GALNT18: variants seen among roughly 807,000 people sequenced by gnomAD.
GALNT18 encodes polypeptide N-acetylgalactosaminyltransferase 18.
In GALNT18, 44 loss-of-function variants were observed where a neutral mutation model predicts 69.5. That is an observed-to-expected ratio of 0.63 (90% CI 0.50 to 0.81). GALNT18 has a LOEUF of 0.81. Among genes scored for constraint, GALNT18 ranks in the 40% least tolerant of loss-of-function variants. The pLI is 0.00. For missense variants in GALNT18, 715 were observed against 810.0 expected (o/e 0.88, Z 1.42); for synonymous variants, 364 against 318.2 (o/e 1.14, Z -1.53).
chr11:11,568,466 A>C (rs1590106325), intron 1 of GALNT18, among the ~76,000 whole-genome samples: 1 of 151,972 alleles, frequency 6.6e-6, no homozygotes, highest in Non-Finnish European at 1.5e-5. Flanking sequence ...TCCCGGCAAC[A>C]CCCTTAGTTC....
At chr11:11,303,302 C>T (rs1235053065) in intron 9 of GALNT18, among the ~76,000 whole-genome samples, 1 of 152,140 alleles carries the variant, frequency 6.6e-6, no homozygotes, top group Non-Finnish European at 1.5e-5. Context: ...TCCAGAAATC[C>T]CCAGCAGCAC....
At chr11:11,287,857 G>A (rs1228390271) in intron 10 of GALNT18, among the ~76,000 whole-genome samples, 2 of 152,106 alleles carry the variant, frequency 1.3e-5, no homozygotes, top group African/African-American at 2.4e-5. Flanking sequence ...ACACAGGGCT[G>A]GCAATGGTCC....
At chr11:11,279,228 G>A (rs1029601661) in intron 10 of GALNT18, among the ~76,000 whole-genome samples, 1 of 152,096 alleles carries the variant, frequency 6.6e-6, no homozygotes, top group East Asian at 1.9e-4. Context: ...AAAGCTTCCT[G>A]TACAGCCTGA....
At chr11:11,569,767 C>G (rs114994107) in intron 1 of GALNT18, among the ~76,000 whole-genome samples, 202 of 152,096 alleles carry the variant, frequency 1.3e-3, no homozygotes, top group African/African-American at 4.4e-3. Context: ...GACCTACGTC[C>G]AAGTTGCTGG....
intron 6 of GALNT18, among the ~76,000 whole-genome samples, chr11:11,358,553 G>C (rs187875107): frequency 1.4e-5 from 2 of 140,078 alleles, no homozygotes; most frequent in Non-Finnish European, 3.2e-5. Context: ...AATTCTAAGG[G>C]AACAGATGGA....
chr11:11,484,961 C>G (rs1172502477), intron 1 of GALNT18, among the ~76,000 whole-genome samples: 1 of 152,214 alleles, frequency 6.6e-6, no homozygotes, highest in African/African-American at 2.4e-5. Context: ...ATGATTAATC[C>G]CAGCTCTGAT....
Position 11,543,430 on chromosome 11 carries a change from C to G in GALNT18, c.235+77929G>C, listed in dbSNP as rs953332196. Reference sequence around the variant, plus strand: ...GAGACCCACTCTGGAACTGGATATGCCACCCATTTTAGGTCGGGGATGTCC... The same window carrying G: ...GAGACCCACTCTGGAACTGGATATGGCACCCATTTTAGGTCGGGGATGTCC... On this transcript the variant is annotated intron_variant, in intron 1 of 10. Coordinates refer to ENST00000227756, the MANE Select transcript of GALNT18 (RefSeq NM_198516.3). This position sits in a 1 kb window ranked among gnomAD's most constrained non-coding sequence, Gnocchi z 5.1. Among the ~76,000 whole-genome samples, 14 of 152,160 alleles carry G rather than the reference C, an allele frequency of 9.2e-5. No individual in the cohort carries two copies. Among genetic ancestry groups the G allele is most frequent in the Non-Finnish European group, 1.2e-4 (8 of 68,040 alleles).
intron 3 of GALNT18, among the ~76,000 whole-genome samples, chr11:11,388,554 G>A (rs1380440520): frequency 6.6e-6 from 1 of 152,074 alleles, no homozygotes; most frequent in Non-Finnish European, 1.5e-5. Context: ...CTGTGGTATA[G>A]ATGCTTCCAC....
At position 11,616,236 on chromosome 11, in the gene GALNT18, T is replaced by A. The variant is rs1029248446; in HGVS notation, c.235+5123A>T. Among the ~76,000 whole-genome samples, 1 of 152,106 alleles carries A rather than the reference T, an allele frequency of 6.6e-6. No homozygotes were observed. The highest frequency in any genetic ancestry group is 1.5e-5 in the Non-Finnish European group (1 of 68,016). ...GGGAGGATATTAAGTTCTAGAGTAATCAAAGGAGTACAAATCAAAAGAATA... is the reference window on the plus strand; with the variant it reads ...GGGAGGATATTAAGTTCTAGAGTAAACAAAGGAGTACAAATCAAAAGAATA... On this transcript the variant is annotated intron_variant, in intron 1 of 10. Coordinates refer to ENST00000227756, the MANE Select transcript of GALNT18 (RefSeq NM_198516.3). The surrounding 1 kb of genome is among the most constrained non-coding windows in gnomAD (Gnocchi z 4.4).
intron 9 of GALNT18, among the ~76,000 whole-genome samples, chr11:11,324,483 A>G (rs1240850208): frequency 6.6e-6 from 1 of 152,236 alleles, no homozygotes; most frequent in Admixed American, 6.5e-5. Context: ...AAATGAACAA[A>G]TTACAACTAC....
intron 1 of GALNT18, among the ~76,000 whole-genome samples, chr11:11,552,512 T>C (rs966402816): frequency 6.6e-6 from 1 of 152,210 alleles, no homozygotes; most frequent in African/African-American, 2.4e-5. Context: ...AAACAGCATA[T>C]GGGCAGCATA....
chr11:11,272,279 C>CTT (rs1282019474), intron 10 of GALNT18, among the ~76,000 whole-genome samples: 1 of 152,198 alleles, frequency 6.6e-6, no homozygotes, highest in Admixed American at 6.5e-5. Flanking sequence ...AATTCTACCT[C>CTT]TCTTGTGTCA....
At chr11:11,354,093 C>T (rs1334315678) in intron 6 of GALNT18, among the ~76,000 whole-genome samples, 1 of 152,198 alleles carries the variant, frequency 6.6e-6, no homozygotes, top group Non-Finnish European at 1.5e-5. Flanking sequence ...ATTATAAACA[C>T]TGGTATGCTA....
At chr11:11,545,575 G>A (rs1041663757) in intron 1 of GALNT18, among the ~76,000 whole-genome samples, 4 of 152,208 alleles carry the variant, frequency 2.6e-5, no homozygotes, top group African/African-American at 4.8e-5. Flanking sequence ...CCTCACTCAT[G>A]CCTCAGAAAA....
rs67012287 is a variant in GALNT18, at chr11:11,370,588, G to GAAA, written c.1092+1924_1092+1926dup. Among the ~76,000 whole-genome samples the GAAA allele has an allele frequency of 4.9e-4, 71 of 145,736 alleles. 3 individuals carry two copies. The highest frequency in any genetic ancestry group is 4.5e-4 in the South Asian group (2 of 4,478). On this transcript the variant is annotated intron_variant, in intron 6 of 10. Transcript: ENST00000227756. Reference sequence around the variant, plus strand: ...GTCAACTGAGAGAGAAGAGATGGAGGAAAAAAAAAAAAACCAGATATCATT... The same window carrying GAAA: ...GTCAACTGAGAGAGAAGAGATGGAGGAAAAAAAAAAAAAAAACCAGATATCATT...
rs764808970 is a variant in GALNT18, at chr11:11,621,519, G to T, written c.75C>A (p.Cys25Ter). The T allele has an allele frequency of 6.2e-7, 1 of 1,614,102 alleles. No individual in the cohort carries two copies. The highest frequency in any genetic ancestry group is 8.5e-7 in the Non-Finnish European group (1 of 1,180,006). Residue 25 changes from cysteine to a stop codon, truncating the protein, a stop_gained, in exon 1 of 11, where the codon TGC becomes TGA. Coordinates refer to ENST00000227756, the MANE Select transcript of GALNT18 (RefSeq NM_198516.3). LOFTEE classifies it high-confidence loss of function. This position sits in a 1 kb window ranked among gnomAD's most constrained non-coding sequence, Gnocchi z 9.3. ...VILSGMTNIICLLYVGWVTNY... is the reference protein window; with the variant it reads ...VILSGMTNII ...TGGTGACCCAGCCCACGTAGAGCAG[G>T]CAGATGATGTTAGTCATGCCGCTCA...
intron 9 of GALNT18, among the ~76,000 whole-genome samples, chr11:11,304,900 A>G (rs1345965727): frequency 2.0e-5 from 3 of 152,264 alleles, no homozygotes; most frequent in Admixed American, 2.0e-4. Context: ...TTGAGATGAC[A>G]GAGCTGAAGC....
At chr11:11,412,627 G>A (rs116544424) in intron 3 of GALNT18, among the ~76,000 whole-genome samples, 3,032 of 152,328 alleles carry the variant, frequency 0.02, 88 homozygotes, top group African/African-American at 0.07. Context: ...CAGTTGGCCT[G>A]TGTAGATTTG....
intron 1 of GALNT18, among the ~76,000 whole-genome samples, chr11:11,577,830 G>C (rs1424942247): frequency 6.6e-6 from 1 of 152,212 alleles, no homozygotes; most frequent in Non-Finnish European, 1.5e-5. Flanking sequence ...AAGACAGGGC[G>C]TGGGTGGTTA....
Sources: allele counts gnomAD v4.1 joint callset (sites outside exome capture counted in the v4.1 genomes callset), GRCh38; gene constraint gnomAD v4.1.1; non-coding constraint Gnocchi (gnomAD v3.1); transcripts MANE v1.5; gene names NCBI Gene and HGNC (gene_info 2026-07-23, HGNC 2026-07-21).